KCNAB1: variants seen among roughly 807,000 people sequenced by gnomAD.
KCNAB1 encodes the protein potassium voltage-gated channel subfamily A regulatory beta subunit 1.
In KCNAB1, 35 loss-of-function variants were observed where a neutral mutation model predicts 64.6. That is an observed-to-expected ratio of 0.54 (90% confidence interval 0.41 to 0.72). KCNAB1 has a LOEUF of 0.72. KCNAB1 is among the 30% of genes least tolerant of loss of function. The probability of loss-of-function intolerance (pLI) is 0.00; values close to 1 mark genes in which losing one functional copy is unlikely to be tolerated. For missense variants in KCNAB1, 401 were observed against 512.9 expected (o/e 0.78, Z 2.11); for synonymous variants, 177 against 183.8 (o/e 0.96, Z 0.30).
At chr3:156,139,590 T>TG (rs2108276706) in intron 1 of KCNAB1, among the ~76,000 whole-genome samples, 1 of 144,484 alleles carries the variant, frequency 6.9e-6, no homozygotes, top group East Asian at 2.0e-4. Flanking sequence ...CTGTGTTTTT[T>TG]TTTTTTTTTT....
intron 1 of KCNAB1, among the ~76,000 whole-genome samples, chr3:156,345,251 A>G (rs1234851733): frequency 1.3e-5 from 2 of 152,192 alleles, no homozygotes; most frequent in Non-Finnish European, 2.9e-5. Flanking sequence ...TAATTTAGTT[A>G]CTTTTTTAAA....
At chr3:156,219,075 A>G (rs1715527206) in intron 1 of KCNAB1, among the ~76,000 whole-genome samples, 1 of 152,024 alleles carries the variant, frequency 6.6e-6, no homozygotes, top group African/African-American at 2.4e-5. Context: ...AGATCATACC[A>G]GCTCACCAGC....
chr3:156,440,355 T>A (rs1716905454), intron 2 of KCNAB1, among the ~76,000 whole-genome samples: 1 of 152,238 alleles, frequency 6.6e-6, no homozygotes, highest in African/African-American at 2.4e-5. Flanking sequence ...GGTTATAACA[T>A]CATCACCTCT....
chr3:156,138,929 G>A (rs551388497), intron 1 of KCNAB1, among the ~76,000 whole-genome samples: 3 of 152,262 alleles, frequency 2.0e-5, no homozygotes, highest in African/African-American at 7.2e-5. Context: ...CCATCAGCAG[G>A]ACGGGGCAGG....
At chr3:156,490,150 C>T (rs989792297) in intron 8 of KCNAB1, among the ~76,000 whole-genome samples, 2 of 152,122 alleles carry the variant, frequency 1.3e-5, no homozygotes, top group East Asian at 1.9e-4. Context: ...CTTCTCTCAC[C>T]CATGTCCAGG....
intron 1 of KCNAB1, among the ~76,000 whole-genome samples, chr3:156,417,559 A>G (rs1356395786): frequency 1.3e-5 from 2 of 152,238 alleles, no homozygotes; most frequent in Non-Finnish European, 2.9e-5. Flanking sequence ...AGATACGTAC[A>G]TCGAGAAACA....
intron 1 of KCNAB1, among the ~76,000 whole-genome samples, chr3:156,215,943 A>G (rs1226257116): frequency 1.6e-4 from 24 of 152,210 alleles, no homozygotes; most frequent in Admixed American, 1.6e-3. Flanking sequence ...ATTGATTTTT[A>G]TGAAATTGCT....
At chr3:156,276,702 C>T (rs1719368118) in intron 1 of KCNAB1, among the ~76,000 whole-genome samples, 4 of 152,150 alleles carry the variant, frequency 2.6e-5, no homozygotes, top group Admixed American at 2.0e-4. Context: ...TAGCTTTAAA[C>T]TTTTCATCTG....
At chr3:156,350,704 A>G (rs1309471629) in intron 1 of KCNAB1, among the ~76,000 whole-genome samples, 1 of 152,264 alleles carries the variant, frequency 6.6e-6, no homozygotes, top group Non-Finnish European at 1.5e-5. Context: ...AAAATAAAGC[A>G]TTTCAGAAGT....
At chr3:156,488,239 A>G (rs1285292849) in intron 8 of KCNAB1, among the ~76,000 whole-genome samples, 1 of 152,066 alleles carries the variant, frequency 6.6e-6, no homozygotes, top group Non-Finnish European at 1.5e-5. Context: ...GAGATAAGAA[A>G]CAATAATATA....
chr3:156,455,886 T>G (rs1712381094), intron 3 of KCNAB1: 2 of 152,210 alleles, frequency 1.3e-5, no homozygotes, highest in Non-Finnish European at 2.9e-5. Flanking sequence ...CCTAGAAGTC[T>G]CCGGCAAACT....
chr3:156,516,134 G>T (rs956820614), intron 10 of KCNAB1, 136 bp from the exon 11 acceptor site: 76 of 585,448 alleles, frequency 1.3e-4, no homozygotes, highest in South Asian at 5.9e-4. Flanking sequence ...AAAAATGCAT[G>T]CTGATATTAA....
chr3:156,454,054 C>A (rs1004871840), intron 3 of KCNAB1, among the ~76,000 whole-genome samples: 1 of 152,216 alleles, frequency 6.6e-6, no homozygotes, highest in African/African-American at 2.4e-5. Context: ...TGTTATTTAG[C>A]AGATCTGAGA....
intron 1 of KCNAB1, among the ~76,000 whole-genome samples, chr3:156,386,758 T>A (rs1317742445): frequency 6.6e-6 from 1 of 152,200 alleles, no homozygotes; most frequent in Non-Finnish European, 1.5e-5. Flanking sequence ...TCTGAGGAAA[T>A]CTACCAATTT....
chr3:156,476,029 G>A (rs1412465219), intron 8 of KCNAB1, among the ~76,000 whole-genome samples: 2 of 152,072 alleles, frequency 1.3e-5, no homozygotes, highest in East Asian at 3.9e-4. Flanking sequence ...ACATAAAACT[G>A]CATATTTTTT....
chr3:156,312,729 A>AAAAAAAAC (rs1560189800), intron 1 of KCNAB1, among the ~76,000 whole-genome samples: 1 of 150,096 alleles, frequency 6.7e-6, no homozygotes, highest in Non-Finnish European at 1.5e-5. Flanking sequence ...AAAAAAAAAA[A>AAAAAAAAC]AACTCATAAT....
At chr3:156,126,020 T>C (rs7629701) in intron 1 of KCNAB1, among the ~76,000 whole-genome samples, 4,147 of 152,290 alleles carry the variant, frequency 0.027, 209 homozygotes, top group African/African-American at 0.094. Context: ...TTCTAGTTGC[T>C]TGCAGCCTAG....
intron 7 of KCNAB1, among the ~76,000 whole-genome samples, chr3:156,470,962 C>G (rs1713840742): frequency 6.6e-6 from 1 of 151,994 alleles, no homozygotes; most frequent in Admixed American, 6.6e-5. Flanking sequence ...CCAGTACAAC[C>G]CAGCCTTTAT....
intron 1 of KCNAB1, among the ~76,000 whole-genome samples, chr3:156,340,108 T>C (rs1359771165): frequency 6.6e-6 from 1 of 152,124 alleles, no homozygotes; most frequent in Non-Finnish European, 1.5e-5. Flanking sequence ...AGCAGAAGCA[T>C]TTCTGAGGGA....
Sources: allele counts gnomAD v4.1 joint callset (sites outside exome capture counted in the v4.1 genomes callset), GRCh38; gene constraint gnomAD v4.1.1; transcripts MANE v1.5; gene names NCBI Gene and HGNC (gene_info 2026-07-23, HGNC 2026-07-21).